The following BRD3 variants were observed in gnomAD, a reference collection of about 807,000 sequenced individuals.
BRD3 encodes the protein bromodomain-containing protein 3.
Under a neutral mutation model 66.8 loss-of-function variants are expected in BRD3, and 17 were observed. The ratio of observed to expected loss-of-function variants is 0.25; its 90% CI spans 0.17 to 0.38. BRD3 has a LOEUF of 0.38. BRD3 is among the 10% of genes least tolerant of loss of function. The pLI is 1.00. For missense variants in BRD3, 713 were observed against 956.1 expected, an observed-to-expected ratio of 0.75 and a Z score of 3.35; for synonymous variants, 421 against 393.2, an observed-to-expected ratio of 1.07 and a Z score of -0.84.
At chr9:134,056,226 T>A (rs1830421835) in intron 1 of BRD3, among the ~76,000 whole-genome samples, 3 of 152,230 alleles carry the variant, frequency 2.0e-5, no homozygotes. Context: ...TGCCAGCATG[T>A]GCTCACTGAA....
At chr9:134,061,543 G>A (rs1186957910) in intron 1 of BRD3, among the ~76,000 whole-genome samples, 2 of 152,198 alleles carry the variant, frequency 1.3e-5, no homozygotes, top group Admixed American at 1.3e-4. Context: ...GCCTTTCCCA[G>A]GGGCTCCCCA....
At chr9:134,034,558 G>T in intron 11 of BRD3, 143 bp downstream of exon 11, 1 of 1,188,586 alleles carries the variant, frequency 8.4e-7, no homozygotes, top group Non-Finnish European at 1.2e-6. Flanking sequence ...GGAGGTTTCA[G>T]GAGCTCAAGA....
At chr9:134,053,202 C>CAGGAGGGGGACAG in intron 2 of BRD3, 63 bp downstream of exon 2, 1 of 1,558,748 alleles carries the variant, frequency 6.4e-7, no homozygotes, top group Non-Finnish European at 8.8e-7. Flanking sequence ...ATGGGGGCAG[C>CAGGAGGGGGACAG]AGGAGGGGGA....
In BRD3 at chr9:134,053,255, A is replaced by G. The variant is rs200250658; in HGVS notation, c.213+10T>C. 53 of 1,613,090 alleles carry G rather than the reference A, an allele frequency of 3.3e-5. No homozygotes were observed. The highest frequency in any genetic ancestry group is 4.2e-5 in the Non-Finnish European group (50 of 1,179,996). ...AGAACGTGGCTCTTGGGGAGGCAGC[A>G]GCTACGCACCGGCAGGTTCAATTTG... On this transcript the variant is annotated intron_variant, in intron 2 of 11. Transcript: ENST00000303407.
intron 1 of BRD3, chr9:134,057,308 G>A (rs1830445279): frequency 6.6e-6 from 1 of 152,234 alleles, no homozygotes; most frequent in South Asian, 2.1e-4. Context: ...ACCCCAGCCT[G>A]CGAGTGCCCC....
intron 1 of BRD3, among the ~76,000 whole-genome samples, chr9:134,067,510 T>A (rs1464170836): frequency 6.8e-6 from 1 of 147,792 alleles, no homozygotes; most frequent in African/African-American, 2.5e-5. Flanking sequence ...CTCCGCGTCC[T>A]CCCTGGGTTC....
intron 9 of BRD3, 124 bp downstream of exon 9, chr9:134,039,908 GCC>G: frequency 6.9e-7 from 1 of 1,459,018 alleles, no homozygotes. Context: ...CTGTCTCCCT[GCC>G]CCCATCACCC....
intron 7 of BRD3, among the ~76,000 whole-genome samples, chr9:134,042,510 G>A (rs1830071497): frequency 6.6e-6 from 1 of 152,092 alleles, no homozygotes; most frequent in South Asian, 2.1e-4. Flanking sequence ...GGCAGCACAT[G>A]TCTGTGATCC....
In BRD3 at chr9:134,045,460, G is replaced by C. The variant is rs201241529; in HGVS notation, c.1087-39C>G. On this transcript the variant is annotated intron_variant, in intron 6 of 11. Coordinates refer to ENST00000303407, the MANE Select transcript of BRD3 (RefSeq NM_007371.4). This position sits in a 1 kb window ranked among gnomAD's most constrained non-coding sequence, Gnocchi z 4.8. ...TGACAGGGGCCAGTGAGCGTGGCCC[G>C]TGGCATCAGGACTCTCTGCCACACC... is the stretch of plus-strand genomic sequence containing the variant. 1.5e-5 allele frequency: 24 copies of C among 1,611,602 alleles called. No individual in the cohort carries two copies. In the South Asian group the frequency reaches 2.5e-4, roughly 17 times the overall value.
chr9:134,040,298 G>A (rs2132394192), intron 8 of BRD3, 29 bp from the exon 9 acceptor site: 1 of 1,575,330 alleles, frequency 6.3e-7, no homozygotes. Context: ...CTGAGCAGGT[G>A]CTGGGCACGG....
rs1830139786 is a variant in BRD3 at position 134,045,110 on chromosome 9, C to G, written c.1215+183G>C. The stretch of plus-strand genomic sequence containing the variant: ...TGGCTGCCCTGCCCCAGTGGCAGCT[C>G]CTGGAACCCAGCTCAGAGCCTGACA... On this transcript the variant is annotated intron_variant, in intron 7 of 11. Transcript: ENST00000303407. This position sits in a 1 kb window ranked among gnomAD's most constrained non-coding sequence, Gnocchi z 4.8. Among the ~76,000 whole-genome samples the G allele has an allele frequency of 6.6e-6, 1 of 152,196 alleles. No homozygotes were observed. Among genetic ancestry groups the G allele is most frequent in the Non-Finnish European group, 1.5e-5 (1 of 68,030 alleles).
chr9:134,036,456 A>G (rs1213858345), intron 9 of BRD3, 132 bp from the exon 10 acceptor site: 3 of 1,577,172 alleles, frequency 1.9e-6, no homozygotes, highest in South Asian at 2.3e-5. Context: ...GTGGTGCCCC[A>G]AGGCAGAAAA....
intron 4 of BRD3, among the ~76,000 whole-genome samples, 188 bp from the exon 5 acceptor site, chr9:134,050,776 T>C (rs923129454): frequency 2.6e-5 from 4 of 151,952 alleles, no homozygotes; most frequent in African/African-American, 9.7e-5. Context: ...CTGGCTCATC[T>C]TGGCTGAGGG....
At chr9:134,055,356 CG>C (rs1156513798) in intron 1 of BRD3, among the ~76,000 whole-genome samples, 4 of 152,110 alleles carry the variant, frequency 2.6e-5, no homozygotes, top group Non-Finnish European at 5.9e-5. Context: ...CTGGGGTGAC[CG>C]AGTCCTGAGA....
chr9:134,068,428 C>CCGAGGCCCGCGGGAGCCACCCT (rs1830717936), upstream of BRD3: 2 of 150,124 alleles, frequency 1.3e-5, no homozygotes, highest in Admixed American at 6.6e-5. Context: ...TCCGGGCACC[C>CCGAGGCCCGCGGGAGCCACCCT]CGAGGCCCGC....
chr9:134,034,598 A>AT, intron 11 of BRD3, 103 bp downstream of exon 11: 2 of 1,468,022 alleles, frequency 1.4e-6, no homozygotes, highest in Non-Finnish European at 1.8e-6. Flanking sequence ...GCTCATCAGG[A>AT]GGTAAGCCAC....
At chr9:134,052,239 G>T in intron 3 of BRD3, 67 bp downstream of exon 3, 1 of 1,581,104 alleles carries the variant, frequency 6.3e-7, no homozygotes, top group Non-Finnish European at 8.6e-7. Context: ...AAAGCGCCCA[G>T]GCCCACTGCG....
At chr9:134,035,195 G>A (rs1843580677) in intron 10 of BRD3, among the ~76,000 whole-genome samples, 1 of 152,198 alleles carries the variant, frequency 6.6e-6, no homozygotes, top group Non-Finnish European at 1.5e-5. Context: ...CCTCACCAGG[G>A]CCGCTGCTCT....
In BRD3 at chr9:134,031,249, GC is replaced by G; in HGVS notation, c.*2340del. ...GGCCCCACGATGCTCCTGCTGCGCT[GC>G]CCCCACAGCCGGCCGCTCCCCCGAC... is the stretch of plus-strand genomic sequence containing the variant. On this transcript the variant is annotated 3_prime_UTR_variant, in exon 12 of 12. Transcript: ENST00000303407. The G allele has an allele frequency of 4.7e-6, 1 of 212,382 alleles. No homozygotes were observed. The highest frequency in any genetic ancestry group is 9.5e-6 in the Non-Finnish European group (1 of 104,868). 13.2% of individuals were successfully genotyped at this position (212,382 alleles called of 1,614,324 possible).
Sources: gnomAD v4.1 joint callset for allele counts (sites outside exome capture counted in the v4.1 genomes callset) on GRCh38, gnomAD v4.1.1 for gene constraint, Gnocchi (gnomAD v3.1) non-coding constraint, MANE v1.5 for transcripts, NCBI Gene and HGNC (gene_info 2026-07-23, HGNC 2026-07-21) for gene names.